Variants in DOT1L observed in about 807,000 individuals in gnomAD.
DOT1L encodes the protein DOT1 like histone lysine methyltransferase.
A neutral mutation model predicts 153.3 loss-of-function variants in DOT1L; 33 were observed. That is an observed-to-expected ratio of 0.22 (90% confidence interval 0.16 to 0.29). DOT1L has a LOEUF of 0.29. Among genes scored for constraint, DOT1L ranks in the 10% least tolerant of loss-of-function variants. DOT1L has a pLI of 1.00. For missense variants in DOT1L, 1,847 were observed against 2,119.9 expected, an observed-to-expected ratio of 0.87 and a Z score of 2.53; for synonymous variants, 1,135 against 965.1, an observed-to-expected ratio of 1.18 and a Z score of -3.26.
Position 2,190,081 on chromosome 19 carries a change from G to T in DOT1L, c.264+286G>T, listed in dbSNP as rs1254003735. Among the ~76,000 whole-genome samples, 1 of 152,190 alleles carries T rather than the reference G, an allele frequency of 6.6e-6. No homozygotes were observed. Among genetic ancestry groups the T allele is most frequent in the African/African-American group, 2.4e-5 (1 of 41,438 alleles). ...CACACGCCTCTGCAGCCCTGGGTTGGTGTCCGCAGGTCCCAGCAGAGGCGG... is the reference window on the plus strand; with the variant it reads ...CACACGCCTCTGCAGCCCTGGGTTGTTGTCCGCAGGTCCCAGCAGAGGCGG... On this transcript the variant is annotated intron_variant, in intron 4 of 27. Coordinates refer to ENST00000398665, the MANE Select transcript of DOT1L (RefSeq NM_032482.3). This position sits in a 1 kb window ranked among gnomAD's most constrained non-coding sequence, Gnocchi z 4.8.
chr19:2,227,959 G>A (rs1599629757), intron 27 of DOT1L: 2 of 1,191,842 alleles, frequency 1.7e-6, no homozygotes, highest in Non-Finnish European at 2.1e-6. Context: ...CACCTGGGCC[G>A]GTCCCCCGCG....
At chr19:2,165,485 G>C (rs1008293886) in intron 1 of DOT1L, among the ~76,000 whole-genome samples, 4 of 152,232 alleles carry the variant, frequency 2.6e-5, no homozygotes, top group African/African-American at 7.2e-5. Flanking sequence ...GGCTTCTCTG[G>C]TTGGGCAGCT....
At chr19:2,181,324 ACATGTGTC>A (rs2144699826) in intron 2 of DOT1L, among the ~76,000 whole-genome samples, 1 of 152,304 alleles carries the variant, frequency 6.6e-6, no homozygotes, top group South Asian at 2.1e-4. Context: ...CACGGAGGCC[ACATGTGTC>A]CATGTGGCCC....
chr19:2,212,760 A>G (rs1277124059), intron 16 of DOT1L: 4 of 152,278 alleles, frequency 2.6e-5, no homozygotes, highest in African/African-American at 9.6e-5. Context: ...ACCTAAGCCA[A>G]TTCAAGGCAG....
chr19:2,208,859 G>T lies in DOT1L; in HGVS notation c.964-76G>T. The T allele has an allele frequency of 1.3e-6, 2 of 1,496,768 alleles. No homozygotes were observed. Among genetic ancestry groups the T allele is most frequent in the Non-Finnish European group, 1.8e-6 (2 of 1,088,752 alleles). The allele number at this position is 1,496,768 out of a possible 1,614,324, so 92.7% of individuals were successfully genotyped here. On this transcript the variant is annotated intron_variant, in intron 11 of 27. Transcript: ENST00000398665. The surrounding 1 kb of genome is among the most constrained non-coding windows in gnomAD (Gnocchi z 4.4). ...CCCAGCCACTGTCCAGGTTGCTGTT[G>T]TTACCTGGGTGTCCAGACAAATCCG...
chr19:2,188,597 G>C (rs2022653360), intron 3 of DOT1L, among the ~76,000 whole-genome samples: 2 of 150,958 alleles, frequency 1.3e-5, no homozygotes, highest in African/African-American at 4.9e-5. Flanking sequence ...CAGGGTCCCT[G>C]CCTCCATCTC....
intron 2 of DOT1L, among the ~76,000 whole-genome samples, chr19:2,181,395 GTGCCCATGCCCAGCATC>G (rs1437567856): frequency 2.0e-5 from 3 of 152,206 alleles, no homozygotes; most frequent in Non-Finnish European, 4.4e-5. Context: ...GACACCGCCC[GTGCCCATGCCCAGCATC>G]TGCCCAGGCC....
At chr19:2,200,581 TTG>T (rs2023214410) in intron 8 of DOT1L, among the ~76,000 whole-genome samples, 1 of 152,126 alleles carries the variant, frequency 6.6e-6, no homozygotes. Flanking sequence ...CCCAAGGCGC[TTG>T]TGAGGGCAGC....
At chr19:2,181,906 C>T (rs879558148) in intron 2 of DOT1L, among the ~76,000 whole-genome samples, 11 of 152,180 alleles carry the variant, frequency 7.2e-5, no homozygotes, top group Non-Finnish European at 1.2e-4. Flanking sequence ...GGGTGCTCCT[C>T]ACAGAGGGCC....
chr19:2,219,060 CAG>C (rs1484357357), intron 22 of DOT1L, among the ~76,000 whole-genome samples: 1 of 152,210 alleles, frequency 6.6e-6, no homozygotes, highest in African/African-American at 2.4e-5. Flanking sequence ...TTAGTAGAGA[CAG>C]GGTTTCACCA....
At chr19:2,227,900 G>A (rs780573260) in intron 27 of DOT1L, 1 of 1,242,612 alleles carries the variant, frequency 8.0e-7, no homozygotes, top group South Asian at 1.3e-5. Context: ...TTGAGACCCG[G>A]CCGCCCCCTC....
chr19:2,197,153 G>A lies in DOT1L; in HGVS notation c.651+2576G>A, dbSNP rs1484125714. 6.6e-6 allele frequency among the ~76,000 whole-genome samples: 1 copy of A among 152,200 alleles called. No homozygotes were observed. The highest frequency in any genetic ancestry group is 2.4e-5 in the African/African-American group (1 of 41,450). ...GCCTGTCTGGTTTGGTCTCTGGGTG[G>A]CGCTCCCTCGGCTTCTGTTCTGCTG... On this transcript the variant is annotated intron_variant, in intron 7 of 27. Coordinates refer to ENST00000398665, the MANE Select transcript of DOT1L (RefSeq NM_032482.3). The surrounding 1 kb of genome is among the most constrained non-coding windows in gnomAD (Gnocchi z 4.1).
intron 1 of DOT1L, among the ~76,000 whole-genome samples, chr19:2,171,491 G>A (rs1015670): frequency 0.46 from 70,462 of 151,956 alleles, 16,440 homozygotes; most frequent in Non-Finnish European, 0.47. Flanking sequence ...TGTCACCACC[G>A]GGGTGGGGGA....
At chr19:2,215,950 G>A (rs868164189) in intron 19 of DOT1L, 14 of 240,802 alleles carry the variant, frequency 5.8e-5, no homozygotes, top group Middle Eastern at 1.3e-3. Context: ...CTCGAGTGGC[G>A]TGTCCCTCCA....
At chr19:2,170,670 C>T (rs2021567065) in intron 1 of DOT1L, among the ~76,000 whole-genome samples, 4 of 152,152 alleles carry the variant, frequency 2.6e-5, no homozygotes, top group Admixed American at 6.6e-5. Flanking sequence ...TCTGAGTGAC[C>T]GGTCGGCTGT....
At position 2,217,271 on chromosome 19, in the gene DOT1L, C is replaced by T. The variant is rs760498075; in HGVS notation, c.2544+181C>T. Among the ~76,000 whole-genome samples the T allele has an allele frequency of 2.6e-5, 4 of 152,124 alleles. No homozygotes were observed. The highest frequency in any genetic ancestry group is 1.9e-4 in the East Asian group (1 of 5,184). On this transcript the variant is annotated intron_variant, in intron 21 of 27. Transcript: ENST00000398665. This position sits in a 1 kb window ranked among gnomAD's most constrained non-coding sequence, Gnocchi z 7.3. Reference sequence around the variant, plus strand: ...ACCAGTAAGGACAGGTCACAGGTGACGTTGGGCAGGTGCCATGGAGGACAT... The same window carrying T: ...ACCAGTAAGGACAGGTCACAGGTGATGTTGGGCAGGTGCCATGGAGGACAT...
intron 1 of DOT1L, among the ~76,000 whole-genome samples, chr19:2,180,268 A>T (rs2022169774): frequency 6.6e-6 from 1 of 152,018 alleles, no homozygotes. Flanking sequence ...GCCAGGCTGG[A>T]GCTCCCTGGC....
intron 9 of DOT1L, among the ~76,000 whole-genome samples, chr19:2,206,447 A>G: frequency 6.8e-6 from 1 of 146,642 alleles, no homozygotes; most frequent in East Asian, 2.0e-4. Flanking sequence ...AATCACAGCT[A>G]CTCGCAAGGC....
At position 2,220,130 on chromosome 19, in the gene DOT1L, T is replaced by C. The variant is rs777723015; in HGVS notation, c.2714T>C (p.Leu905Pro). ...CAGAGGAGCACCCCCAGTCCCGTGC[T>C]GCAGCCCCGTGACCCCTCGTCCACA... ...ERARSTPSPV[L>P]QPRDPSSTLE... is the part of the protein sequence containing the mutation. Residue 905 changes from leucine to proline, a missense_variant, in exon 23 of 28, where the codon CTG (leucine) becomes CCG (proline). This residue lies in a region of DOT1L where 68 missense variants were observed against 80.7 expected (regional missense o/e 0.84). Transcript: ENST00000398665. The surrounding 1 kb of genome is among the most constrained non-coding windows in gnomAD (Gnocchi z 4.5). 13 of 1,611,958 alleles carry C rather than the reference T, an allele frequency of 8.1e-6. No homozygotes were observed. The highest frequency in any genetic ancestry group is 1.1e-5 in the Non-Finnish European group (13 of 1,178,528).
Sources: allele counts gnomAD v4.1 joint callset (sites outside exome capture counted in the v4.1 genomes callset), GRCh38; gene constraint gnomAD v4.1.1; regional missense constraint gnomAD v4.1.1; non-coding constraint Gnocchi (gnomAD v3.1); transcripts MANE v1.5; gene names NCBI Gene and HGNC (gene_info 2026-07-23, HGNC 2026-07-21).